Variants in CDH13 observed in about 807,000 individuals in gnomAD.
The protein encoded by CDH13 is cadherin-13.
In CDH13, 24 loss-of-function variants were observed where a neutral mutation model predicts 63.8. The ratio of observed to expected loss-of-function variants is 0.38; its 90% CI spans 0.27 to 0.53. The LOEUF is 0.53. Ranked by LOEUF, CDH13 falls within the 20% of genes least tolerant of loss-of-function variation. The pLI is 0.85. For missense variants in CDH13, 1,049 were observed against 903.1 expected (o/e 1.16, Z -2.07); for synonymous variants, 503 against 355.3 (o/e 1.42, Z -4.67).
chr16:83,746,037 T>C (rs1253299227), intron 10 of CDH13, among the ~76,000 whole-genome samples: 2 of 152,230 alleles, frequency 1.3e-5, no homozygotes, highest in Non-Finnish European at 2.9e-5. Context: ...GCGTAGCTGT[T>C]GGTTTGTGCC....
chr16:82,719,552 T>G (rs2032623351), intron 1 of CDH13: 1 of 409,378 alleles, frequency 2.4e-6, no homozygotes, highest in Admixed American at 2.7e-5. Context: ...AGCATTTGAT[T>G]AAAACAAGTT....
At chr16:83,562,069 T>C (rs2075719552) in intron 7 of CDH13, among the ~76,000 whole-genome samples, 1 of 152,186 alleles carries the variant, frequency 6.6e-6, no homozygotes. Context: ...CTCATGGTGA[T>C]GTCCAAGTGT....
At chr16:83,742,932 G>C (rs540363294) in intron 10 of CDH13, among the ~76,000 whole-genome samples, 2 of 152,304 alleles carry the variant, frequency 1.3e-5, no homozygotes, top group Non-Finnish European at 2.9e-5. Flanking sequence ...AACTGGCCAG[G>C]TGCGGTGGCT....
chr16:83,621,894 G>A (rs1459402941), intron 8 of CDH13, among the ~76,000 whole-genome samples: 1 of 152,130 alleles, frequency 6.6e-6, no homozygotes, highest in Non-Finnish European at 1.5e-5. Context: ...ATAAGTTCAA[G>A]TTACCCTCTG....
In CDH13 at chr16:83,114,990, C is replaced by G. The variant is rs375285309; in HGVS notation, c.367-10395C>G. On this transcript the variant is annotated intron_variant, in intron 3 of 13. Transcript: ENST00000567109. ...AATTTGCAGACAATTAAGCTGTCCC[C>G]CTGCAGTATAGGTAGCTCCTTTTAG... is the stretch of plus-strand genomic sequence containing the variant. Among the ~76,000 whole-genome samples, 98 of 152,290 alleles carry G rather than the reference C, an allele frequency of 6.4e-4. 3 individuals are homozygous for G. The South Asian group carries it at 0.02, about 31-fold the overall frequency.
At chr16:82,630,321 C>T (rs905445523) in intron 1 of CDH13, among the ~76,000 whole-genome samples, 1 of 152,098 alleles carries the variant, frequency 6.6e-6, no homozygotes, top group Non-Finnish European at 1.5e-5. Context: ...ATAGAGTTCA[C>T]CTGTCTGAAT....
chr16:83,189,343 A>G (rs1319407617), intron 4 of CDH13, among the ~76,000 whole-genome samples: 1 of 152,140 alleles, frequency 6.6e-6, no homozygotes, highest in Non-Finnish European at 1.5e-5. Flanking sequence ...CTTGCTGCAG[A>G]TTTATTTCAA....
intron 8 of CDH13, among the ~76,000 whole-genome samples, chr16:83,626,371 G>T (rs529887766): frequency 1.3e-5 from 2 of 152,174 alleles, no homozygotes; most frequent in Non-Finnish European, 2.9e-5. Context: ...CGTTGTCACC[G>T]GGATAACTGC....
rs536399439 is a variant in CDH13 at position 83,497,432 on chromosome 16, A to G, written c.960+10777A>G. Among the ~76,000 whole-genome samples, 3 of 148,692 alleles carry G rather than the reference A, an allele frequency of 2.0e-5. No homozygotes were observed. In the South Asian group the frequency reaches 6.4e-4, roughly 32 times the overall value. ...AAGAACAAAAAACCAAACACCGCAT[A>G]TTCTCACTCATAGGTGGGAACTGAA... is the stretch of plus-strand genomic sequence containing the variant. On this transcript the variant is annotated intron_variant, in intron 7 of 13. Transcript: ENST00000567109.
At chr16:83,248,704 G>A (rs1024655679) in intron 5 of CDH13, among the ~76,000 whole-genome samples, 2 of 151,966 alleles carry the variant, frequency 1.3e-5, no homozygotes, top group South Asian at 2.1e-4. Flanking sequence ...TCTTAACTGA[G>A]CCTTCTCCAA....
intron 1 of CDH13, among the ~76,000 whole-genome samples, chr16:82,692,869 T>C (rs1348557728): frequency 6.6e-6 from 1 of 152,232 alleles, no homozygotes; most frequent in Non-Finnish European, 1.5e-5. Context: ...CCTCACTTCC[T>C]GGTCTTCACG....
At chr16:83,731,679 G>C (rs1489270054) in intron 10 of CDH13, among the ~76,000 whole-genome samples, 1 of 152,178 alleles carries the variant, frequency 6.6e-6, no homozygotes, top group Non-Finnish European at 1.5e-5. Flanking sequence ...TGGGGACTTT[G>C]TCATAAATTC....
intron 8 of CDH13, among the ~76,000 whole-genome samples, chr16:83,606,202 A>T (rs1908313773): frequency 6.6e-6 from 1 of 152,220 alleles, no homozygotes; most frequent in African/African-American, 2.4e-5. Flanking sequence ...CTCTAAGGAG[A>T]TGTTGTCCTA....
chr16:82,917,663 G>A (rs906394903), intron 2 of CDH13, among the ~76,000 whole-genome samples: 1 of 152,208 alleles, frequency 6.6e-6, no homozygotes, highest in African/African-American at 2.4e-5. Flanking sequence ...TGTAATCCCA[G>A]CACTTTGGGA....
At chr16:83,195,747 G>A (rs556485722) in intron 4 of CDH13, among the ~76,000 whole-genome samples, 4 of 152,270 alleles carry the variant, frequency 2.6e-5, no homozygotes, top group African/African-American at 9.6e-5. Context: ...CATCAAGATA[G>A]CATGATACAG....
At chr16:82,918,796 GC>G (rs1361386791) in intron 2 of CDH13, among the ~76,000 whole-genome samples, 7 of 152,038 alleles carry the variant, frequency 4.6e-5, no homozygotes, top group Admixed American at 2.6e-4. Context: ...ATGGGTGTGA[GC>G]CCCTACGCCT....
At chr16:82,672,638 T>C (rs1422497315) in intron 1 of CDH13, among the ~76,000 whole-genome samples, 1 of 152,054 alleles carries the variant, frequency 6.6e-6, no homozygotes, top group Non-Finnish European at 1.5e-5. Context: ...TCCTATTATT[T>C]CCTCCTCCAT....
At chr16:83,324,443 C>T (rs867627043) in intron 5 of CDH13, among the ~76,000 whole-genome samples, 20 of 152,312 alleles carry the variant, frequency 1.3e-4, no homozygotes, top group Middle Eastern at 3.4e-3. Context: ...CACCAGTCTA[C>T]TTCTTGTCTC....
chr16:83,168,361 A>G (rs894994194), intron 4 of CDH13, among the ~76,000 whole-genome samples: 3 of 152,008 alleles, frequency 2.0e-5, no homozygotes. Context: ...GCATACATGT[A>G]TGTATGTGTA....
Sources: gnomAD v4.1 joint callset for allele counts (sites outside exome capture counted in the v4.1 genomes callset) on GRCh38, gnomAD v4.1.1 for gene constraint, MANE v1.5 for transcripts, NCBI Gene and HGNC (gene_info 2026-07-23, HGNC 2026-07-21) for gene names.